SMYD4: variants seen among roughly 807,000 people sequenced by gnomAD.
The protein encoded by SMYD4 is SET and MYND domain containing 4, also known as protein-lysine N-methyltransferase SMYD4.
In SMYD4, 68 loss-of-function variants were observed where a neutral mutation model predicts 72.8. That is an observed-to-expected ratio of 0.93 (90% CI 0.77 to 1.14). The LOEUF is 1.14. Ranked by LOEUF, SMYD4 falls within the 50% of genes most tolerant of loss-of-function variation. The probability of loss-of-function intolerance (pLI) is 0.00; values close to 1 mark genes in which losing one functional copy is unlikely to be tolerated. For synonymous variants in SMYD4, 407 were observed against 388.6 expected, an observed-to-expected ratio of 1.05 and a Z score of -0.56; for missense variants, 984 against 1,003.7, an observed-to-expected ratio of 0.98 and a Z score of 0.27.
At chr17:1,792,067 C>T (rs1218001743) in intron 5 of SMYD4, among the ~76,000 whole-genome samples, 2 of 149,012 alleles carry the variant, frequency 1.3e-5, no homozygotes, top group African/African-American at 5.0e-5. Flanking sequence ...GAGACGGGGT[C>T]TCGCTCTGTC....
Position 1,800,470 on chromosome 17 carries a change from C to G in SMYD4, c.924G>C (p.Pro308=). ...ACTTGGCATAACTGCATCCGTCACACGGAACTGTGGCCAAAGTGTGCTTCA... is the reference window on the plus strand; with the variant it reads ...ACTTGGCATAACTGCATCCGTCACAGGGAACTGTGGCCAAAGTGTGCTTCA... ...RCLKHTLATV[P]CDGCSYAKYC... Residue 308 remains proline, a synonymous_variant, in exon 5 of 11, where the codon CCG becomes CCC. Coordinates refer to ENST00000305513, the MANE Select transcript of SMYD4 (RefSeq NM_052928.3). 1 of 1,614,150 alleles carries G rather than the reference C, an allele frequency of 6.2e-7. No homozygotes were observed. The highest frequency in any genetic ancestry group is 8.5e-7 in the Non-Finnish European group (1 of 1,180,030).
Position 1,783,517 on chromosome 17 carries a change from C to G in SMYD4, c.2021-41G>C, listed in dbSNP as rs752416126. On this transcript the variant is annotated intron_variant, in intron 8 of 10. Coordinates refer to ENST00000305513, the MANE Select transcript of SMYD4 (RefSeq NM_052928.3). The stretch of plus-strand genomic sequence containing the variant: ...AAAGACGTCTCACTATAGACAGAAG[C>G]CCAGTCCTAGGAATGAGAATCCAGG... The G allele has an allele frequency of 1.9e-6, 3 of 1,563,800 alleles. No individual in the cohort carries two copies. The South Asian group carries it at 3.5e-5, about 18-fold the overall frequency.
intron 7 of SMYD4, chr17:1,784,672 C>T (rs1262928144): frequency 3.2e-6 from 2 of 619,394 alleles, no homozygotes; most frequent in Non-Finnish European, 4.0e-6. Context: ...GCTGATCCCA[C>T]CTGAGATTTC....
chr17:1,801,431 G>A (rs899905668), intron 4 of SMYD4, among the ~76,000 whole-genome samples: 19 of 151,206 alleles, frequency 1.3e-4, no homozygotes, highest in Admixed American at 2.0e-4. Flanking sequence ...TAGTAGAGAC[G>A]GGGTTTTGCC....
chr17:1,814,258 G>A (rs1158794191), intron 2 of SMYD4, among the ~76,000 whole-genome samples: 2 of 152,120 alleles, frequency 1.3e-5, no homozygotes, highest in Non-Finnish European at 2.9e-5. Context: ...TGAGCCAGGA[G>A]GGCCCCACTG....
chr17:1,818,193 A>AT (rs1170819937), intron 2 of SMYD4, among the ~76,000 whole-genome samples: 2 of 151,938 alleles, frequency 1.3e-5, no homozygotes, highest in Admixed American at 6.6e-5. Context: ...AAAAAAACAC[A>AT]TTTTTTCTTT....
rs1909683916 is a variant in SMYD4, at chr17:1,800,672, G to A, written c.722C>T (p.Pro241Leu). The A allele has an allele frequency of 6.2e-7, 1 of 1,614,172 alleles. No homozygotes were observed. The highest frequency in any genetic ancestry group is 2.2e-5 in the East Asian group (1 of 44,882). The change falls in exon 5 of 11, where the codon CCT (proline) becomes CTT (leucine). Residue 241 changes from proline to leucine, a missense_variant. Transcript: ENST00000305513. ...GGCAACGAGACAGCGACCTTTTAAA[G>A]GATCTACGCATAAGCCGATGGATGA... is the stretch of plus-strand genomic sequence containing the variant. ...ASSSIGLCVDPLKGRCLVATK... is the reference protein window; with the variant it reads ...ASSSIGLCVDLLKGRCLVATK...
rs766858249 is a variant in SMYD4 at position 1,784,431 on chromosome 17, A to T, written c.1915T>A (p.Ser639Thr). The change falls in exon 8 of 11, where the codon TCT (serine) becomes ACT (threonine). Residue 639 changes from serine to threonine, a missense_variant. Ser to Thr is a moderately conservative substitution (Grantham distance 58). Transcript: ENST00000305513. ...CTGCTGACGGCGGATTCTGCACAAG[A>T]TCTGCTGCCACAGCGCAGCACGTCA... ...GDDVLRCGSR[S>T]CAESAVSRDH... 1.2e-6 allele frequency: 2 copies of T among 1,614,128 alleles called. No homozygotes were observed. The highest frequency in any genetic ancestry group is 1.7e-6 in the Non-Finnish European group (2 of 1,180,010).
chr17:1,807,422 C>T (rs974294306), intron 3 of SMYD4, among the ~76,000 whole-genome samples: 5 of 151,890 alleles, frequency 3.3e-5, no homozygotes, highest in Non-Finnish European at 5.9e-5. Flanking sequence ...CGTACCGCCC[C>T]CCCCGGCCCC....
intron 5 of SMYD4, among the ~76,000 whole-genome samples, chr17:1,797,723 C>T (rs1315968179): frequency 3.3e-5 from 5 of 152,234 alleles, no homozygotes; most frequent in African/African-American, 4.8e-5. Context: ...GATATCTGGC[C>T]GGGCACGGTG....
In SMYD4 at chr17:1,829,831, G is replaced by GCCCCTTGGCGCC. The variant is rs1911439690; in HGVS notation, c.-130_-119dup. ...CCAGCGCCCGCGCAGCTCCTGGCGCGCCCCTTGGCGCCCCGCTCCGCCCCG... is the reference window on the plus strand; with the variant it reads ...CCAGCGCCCGCGCAGCTCCTGGCGCGCCCCTTGGCGCCCCCCTTGGCGCCCCGCTCCGCCCCG... On this transcript the variant is annotated 5_prime_UTR_variant, in exon 1 of 11. Transcript: ENST00000305513. The GCCCCTTGGCGCC allele has an allele frequency of 7.1e-6, 2 of 281,458 alleles. No homozygotes were observed. Among genetic ancestry groups the GCCCCTTGGCGCC allele is most frequent in the South Asian group, 1.7e-4 (1 of 6,008 alleles). 17.4% of individuals were successfully genotyped at this position (281,458 alleles called of 1,614,324 possible).
chr17:1,784,194 C>A, intron 8 of SMYD4, 132 bp downstream of exon 8: 1 of 1,419,442 alleles, frequency 7.0e-7, no homozygotes, highest in East Asian at 2.3e-5. Flanking sequence ...GCCTATATAG[C>A]CATCTTGTGG....
chr17:1,791,373 G>A lies in SMYD4; in HGVS notation c.1538-3769C>T, dbSNP rs560240128. 7.9e-5 allele frequency among the ~76,000 whole-genome samples: 12 copies of A among 152,096 alleles called. No homozygotes were observed. In the South Asian group the frequency reaches 2.5e-3, roughly 32 times the overall value. On this transcript the variant is annotated intron_variant, in intron 5 of 10. Transcript: ENST00000305513. ...GTTTCTGGGGAACTTTGATTAAACA[G>A]GATTTATGCAAAGATAATAACATAC...
chr17:1,809,596 C>T lies in SMYD4; in HGVS notation c.279+2375G>A, dbSNP rs562697839. 2.2e-3 allele frequency among the ~76,000 whole-genome samples: 326 copies of T among 150,524 alleles called. 1 individual carries two copies. The highest frequency in any genetic ancestry group is 7.7e-3 in the African/African-American group (316 of 40,964). On this transcript the variant is annotated intron_variant, in intron 3 of 10. Transcript: ENST00000305513. ...TTCACCATGTTGGTCAGGCTGGTCT[C>T]AAACCCCTGACCTTGTGATCCACCC...
At chr17:1,792,209 A>G (rs1909083343) in intron 5 of SMYD4, among the ~76,000 whole-genome samples, 1 of 151,754 alleles carries the variant, frequency 6.6e-6, no homozygotes, top group Non-Finnish European at 1.5e-5. Context: ...CGCCCGGCTA[A>G]TTTTTTGTAT....
rs1026098350 is a variant in SMYD4, at chr17:1,804,263, C to T, written c.369+363G>A. 2.7e-5 allele frequency: 6 copies of T among 220,428 alleles called. No individual in the cohort carries two copies. In the Admixed American group the frequency reaches 3.0e-4, roughly 11 times the overall value. The allele number at this position is 220,428 out of a possible 1,614,324, so 13.7% of individuals were successfully genotyped here. On this transcript the variant is annotated intron_variant, in intron 4 of 10. Transcript: ENST00000305513. The stretch of plus-strand genomic sequence containing the variant: ...TCGGCTCACTGTAACCTCTACCTCC[C>T]GAGTTCGAGTGATTCTCCTGCCTCA...
chr17:1,783,669 A>T, intron 8 of SMYD4, 193 bp from the exon 9 acceptor site: 2 of 1,034,266 alleles, frequency 1.9e-6, no homozygotes, highest in Non-Finnish European at 2.7e-6. Flanking sequence ...GTCAGTGGAG[A>T]AAGGCGCTAG....
chr17:1,788,219 G>A (rs1242343174), intron 5 of SMYD4, among the ~76,000 whole-genome samples: 4 of 152,130 alleles, frequency 2.6e-5, no homozygotes, highest in African/African-American at 9.7e-5. Context: ...AGCTGTGGTG[G>A]TGCACACCTG....
intron 5 of SMYD4, among the ~76,000 whole-genome samples, chr17:1,796,635 C>T (rs1393089065): frequency 2.0e-5 from 3 of 152,008 alleles, no homozygotes. Context: ...TGGGGTTTCA[C>T]CACGTTGGCC....
Sources: allele counts gnomAD v4.1 joint callset (sites outside exome capture counted in the v4.1 genomes callset), GRCh38; gene constraint gnomAD v4.1.1; transcripts MANE v1.5; gene names NCBI Gene and HGNC (gene_info 2026-07-23, HGNC 2026-07-21).